YEATS2: variants seen among roughly 807,000 people sequenced by gnomAD.
YEATS2 encodes the protein YEATS domain-containing protein 2.
In YEATS2, 77 loss-of-function variants were observed where a neutral mutation model predicts 163.2. The observed-to-expected ratio is 0.47, with a 90% CI of 0.39 to 0.57. YEATS2 has a LOEUF of 0.57. Ranked by LOEUF, YEATS2 falls within the 20% of genes least tolerant of loss-of-function variation. The pLI, the probability that YEATS2 is intolerant of heterozygous loss-of-function variation, is 0.00. For missense variants in YEATS2, 1,549 were observed against 1,729.8 expected (o/e 0.90, Z 1.85); for synonymous variants, 631 against 645.1 (o/e 0.98, Z 0.33).
At position 183,728,854 on chromosome 3, in the gene YEATS2, A is replaced by AAGC; in HGVS notation, c.812+5_812+7dup. 6.2e-7 allele frequency: 1 copy of AAGC among 1,607,804 alleles called. No individual in the cohort carries two copies. The highest frequency in any genetic ancestry group is 1.1e-5 in the South Asian group (1 of 89,302). On this transcript the variant is annotated splice_donor_region_variant and intron_variant, in intron 7 of 30. Transcript: ENST00000305135. ...CCAAATGACCTTGTGGAAGTTAGGT[A>AAGC]AGCACGCTTGAGGTATTTAACCTAA...
At chr3:183,792,734 C>T (rs1173828218) in intron 21 of YEATS2, among the ~76,000 whole-genome samples, 1 of 152,128 alleles carries the variant, frequency 6.6e-6, no homozygotes, top group Non-Finnish European at 1.5e-5. Context: ...GTCTTGAACT[C>T]CTGACCTCAG....
chr3:183,700,210 C>A (rs1713914210), intron 1 of YEATS2, among the ~76,000 whole-genome samples: 1 of 152,136 alleles, frequency 6.6e-6, no homozygotes, highest in Non-Finnish European at 1.5e-5. Context: ...ACATGTTTCT[C>A]AGTTTCAAAT....
chr3:183,700,053 G>A (rs1713895185), intron 1 of YEATS2, among the ~76,000 whole-genome samples: 1 of 151,906 alleles, frequency 6.6e-6, no homozygotes, highest in Non-Finnish European at 1.5e-5. Flanking sequence ...TTACTAGTAT[G>A]TTTGAACATT....
At chr3:183,731,981 A>G (rs1196054366) in intron 7 of YEATS2, among the ~76,000 whole-genome samples, 1 of 152,194 alleles carries the variant, frequency 6.6e-6, no homozygotes, top group Non-Finnish European at 1.5e-5. Flanking sequence ...ATTATTGGTT[A>G]CGTGCTTCTG....
intron 17 of YEATS2, among the ~76,000 whole-genome samples, chr3:183,775,653 C>T (rs1277915980): frequency 1.3e-5 from 2 of 152,130 alleles, no homozygotes; most frequent in African/African-American, 4.8e-5. Flanking sequence ...CCCACGACCA[C>T]GTCAAAGTAT....
intron 1 of YEATS2, among the ~76,000 whole-genome samples, chr3:183,698,530 G>A (rs1405397605): frequency 6.6e-6 from 1 of 152,194 alleles, no homozygotes; most frequent in African/African-American, 2.4e-5. Context: ...GACTCCTGCA[G>A]GAAAGGCTGG....
chr3:183,789,525 A>ATTTTTTTTTTTTTTTTTTTTTTT lies in YEATS2; in HGVS notation c.2914-1266_2914-1244dup, dbSNP rs143473253. ...TTAGGTTTCAGATTCATTCGAGTTA[A>ATTTTTTTTTTTTTTTTTTTTTTT]TTTTTTTTTTTTTTTTTTTTTTTTT... On this transcript the variant is annotated intron_variant, in intron 20 of 30. Coordinates refer to ENST00000305135, the MANE Select transcript of YEATS2 (RefSeq NM_018023.5). Among the ~76,000 whole-genome samples, 5 of 66,314 alleles carry ATTTTTTTTTTTTTTTTTTTTTTT rather than the reference A, an allele frequency of 7.5e-5. 1 individual carries two copies. Among genetic ancestry groups the ATTTTTTTTTTTTTTTTTTTTTTT allele is most frequent in the African/African-American group, 2.7e-4 (4 of 14,592 alleles). The allele number at this position is 66,314 out of a possible 152,430, so 43.5% of individuals were successfully genotyped here.
intron 6 of YEATS2, among the ~76,000 whole-genome samples, chr3:183,727,117 C>A (rs1008202349): frequency 6.6e-6 from 1 of 151,828 alleles, no homozygotes; most frequent in African/African-American, 2.4e-5. Flanking sequence ...GGCTTTGTAC[C>A]CTAACAGTAT....
At chr3:183,770,785 C>T (rs564877707) in intron 15 of YEATS2, among the ~76,000 whole-genome samples, 15 of 152,280 alleles carry the variant, frequency 9.9e-5, no homozygotes, top group African/African-American at 3.6e-4. Context: ...ACTCCCTTTT[C>T]GCTTTCTTAT....
At chr3:183,772,889 T>C (rs1722625315) in intron 16 of YEATS2, among the ~76,000 whole-genome samples, 1 of 152,186 alleles carries the variant, frequency 6.6e-6, no homozygotes, top group African/African-American at 2.4e-5. Context: ...CACAGTCCCC[T>C]GTGTAAAATG....
At chr3:183,764,828 G>A (rs936112321) in intron 15 of YEATS2, among the ~76,000 whole-genome samples, 2 of 152,022 alleles carry the variant, frequency 1.3e-5, no homozygotes, top group African/African-American at 4.8e-5. Flanking sequence ...AATAAAATTC[G>A]TGGTGTTATC....
rs549191111 is a variant in YEATS2, at chr3:183,718,465, G to T, written c.199-35G>T. 1.9e-4 allele frequency: 298 copies of T among 1,550,554 alleles called. 1 individual carries two copies. In the South Asian group the frequency reaches 3.4e-3, roughly 18 times the overall value. ...TTTGTACATCTCTTTTATAATTGCC[G>T]TTTTTTAAAGTAATGAGTTAACATT... On this transcript the variant is annotated intron_variant, in intron 3 of 30. Transcript: ENST00000305135.
At chr3:183,774,201 CA>C (rs1560298822) in intron 17 of YEATS2, among the ~76,000 whole-genome samples, 1 of 152,158 alleles carries the variant, frequency 6.6e-6, no homozygotes, top group African/African-American at 2.4e-5. Flanking sequence ...TCATTTAGAT[CA>C]GGGGTCCCCA....
intron 30 of YEATS2, 64 bp downstream of exon 30, chr3:183,809,234 C>T (rs1726545516): frequency 2.6e-6 from 4 of 1,538,840 alleles, no homozygotes; most frequent in Non-Finnish European, 3.6e-6. Context: ...TTGAATTGCC[C>T]ATGAAGGTGT....
intron 22 of YEATS2, among the ~76,000 whole-genome samples, chr3:183,798,590 G>A (rs1460008485): frequency 6.6e-6 from 1 of 152,142 alleles, no homozygotes; most frequent in Non-Finnish European, 1.5e-5. Context: ...CTGACCTCAG[G>A]TGATCCACCC....
At chr3:183,770,332 C>T (rs1183580009) in intron 15 of YEATS2, among the ~76,000 whole-genome samples, 1 of 151,574 alleles carries the variant, frequency 6.6e-6, no homozygotes, top group Non-Finnish European at 1.5e-5. Context: ...TGCAGTGAGC[C>T]GAGATTGCGC....
chr3:183,776,556 A>T (rs1251021799), intron 18 of YEATS2, among the ~76,000 whole-genome samples: 1 of 152,116 alleles, frequency 6.6e-6, no homozygotes, highest in East Asian at 1.9e-4. Flanking sequence ...TCAAAAAAAA[A>T]CTATGTGTTT....
chr3:183,800,623 G>A, intron 24 of YEATS2, 55 bp downstream of exon 24: 1 of 1,433,020 alleles, frequency 7.0e-7, no homozygotes, highest in Non-Finnish European at 9.8e-7. Context: ...TGTCACGCCT[G>A]TGACAGCTGA....
At chr3:183,775,408 C>T (rs1722881505) in intron 17 of YEATS2, among the ~76,000 whole-genome samples, 1 of 152,084 alleles carries the variant, frequency 6.6e-6, no homozygotes, top group Admixed American at 6.5e-5. Context: ...CCATCCTGTC[C>T]AACATGGTGA....
Sources: gnomAD v4.1 joint callset for allele counts (sites outside exome capture counted in the v4.1 genomes callset) on GRCh38, gnomAD v4.1.1 for gene constraint, MANE v1.5 for transcripts, NCBI Gene and HGNC (gene_info 2026-07-23, HGNC 2026-07-21) for gene names.